The following SRC variants were observed in gnomAD, a reference collection of about 807,000 sequenced individuals.
The protein encoded by SRC is proto-oncogene tyrosine-protein kinase Src.
In SRC, 13 loss-of-function variants were observed where a neutral mutation model predicts 62.9. That is an observed-to-expected ratio of 0.21 (90% CI 0.13 to 0.33). SRC has a LOEUF of 0.33. Ranked by LOEUF, SRC falls within the 10% of genes least tolerant of loss-of-function variation. The pLI is 1.00. For missense variants in SRC, 457 were observed against 737.3 expected, an observed-to-expected ratio of 0.62 and a Z score of 4.40; for synonymous variants, 302 against 317.5, an observed-to-expected ratio of 0.95 and a Z score of 0.52.
chr20:37,396,433 C>A lies in SRC; in HGVS notation c.703+122C>A. On this transcript the variant is annotated intron_variant, in intron 8 of 13. Coordinates refer to ENST00000373578, the MANE Select transcript of SRC (RefSeq NM_198291.3). This position sits in a 1 kb window ranked among gnomAD's most constrained non-coding sequence, Gnocchi z 6.1. ...TATCCTGCTTCTCTCCCCACTTCCC[C>A]CTCCCCCCTCCCTTCCTCTCTCCTC... 1.8e-6 allele frequency: 2 copies of A among 1,117,420 alleles called. No homozygotes were observed. The highest frequency in any genetic ancestry group is 1.3e-6 in the Non-Finnish European group (1 of 794,864). The allele number at this position is 1,117,420 out of a possible 1,614,324, so 69.2% of individuals were successfully genotyped here. A position where few individuals can be genotyped will look rare whatever the true frequency, so the allele number is the denominator to read the frequency against.
Position 37,396,016 on chromosome 20 carries a change from G to A in SRC, c.554-146G>A. On this transcript the variant is annotated intron_variant, in intron 7 of 13. Transcript: ENST00000373578. This position sits in a 1 kb window ranked among gnomAD's most constrained non-coding sequence, Gnocchi z 6.1. ...GCCCTGCCTCTGTGGCTGCCCCGGGGCTGGCTGTTGAGAGACAGGGTGGGC... is the reference window on the plus strand; with the variant it reads ...GCCCTGCCTCTGTGGCTGCCCCGGGACTGGCTGTTGAGAGACAGGGTGGGC... The A allele has an allele frequency of 2.6e-6, 3 of 1,150,480 alleles. No individual in the cohort carries two copies. The highest frequency in any genetic ancestry group is 1.5e-5 in the South Asian group (1 of 64,970). The allele number at this position is 1,150,480 out of a possible 1,614,324, so 71.3% of individuals were successfully genotyped here.
intron 5 of SRC, among the ~76,000 whole-genome samples, chr20:37,388,417 C>T (rs1288931603): frequency 6.6e-6 from 1 of 152,168 alleles, no homozygotes; most frequent in African/African-American, 2.4e-5. Context: ...AGCCCCTCCT[C>T]ATGTCACAAT....
At chr20:37,382,535 A>T (rs2070381050) in intron 2 of SRC, 84 bp from the exon 3 acceptor site, 1 of 152,228 alleles carries the variant, frequency 6.6e-6, no homozygotes, top group Admixed American at 6.5e-5. Context: ...AACAGTGATC[A>T]GAGAGTGGGC....
intron 2 of SRC, among the ~76,000 whole-genome samples, chr20:37,376,757 C>T (rs1374766226): frequency 2.0e-5 from 3 of 152,222 alleles, no homozygotes; most frequent in African/African-American, 7.2e-5. Flanking sequence ...CCTGCCTCAG[C>T]CTCCCAAAGT....
chr20:37,387,625 G>A (rs2070478843), intron 5 of SRC, among the ~76,000 whole-genome samples: 1 of 152,246 alleles, frequency 6.6e-6, no homozygotes, highest in Non-Finnish European at 1.5e-5. Context: ...CGAAGCTACA[G>A]TTTCCTTATT....
In SRC at chr20:37,359,879, T is replaced by C. The variant is rs536133410; in HGVS notation, c.-246-5325T>C. On this transcript the variant is annotated intron_variant, in intron 1 of 13. Transcript: ENST00000373578. ...GGTTCGCTCAGTCTGGGCGTAGTTA[T>C]TGGGAGGGTCAAAGGGCCAAGCATT... 1.3e-4 allele frequency among the ~76,000 whole-genome samples: 20 copies of C among 152,020 alleles called. No homozygotes were observed. The East Asian group carries it at 1.5e-3, about 12-fold the overall frequency.
chr20:37,346,485 G>T (rs111597289), intron 1 of SRC, among the ~76,000 whole-genome samples: 4 of 151,942 alleles, frequency 2.6e-5, no homozygotes, highest in South Asian at 2.1e-4. Flanking sequence ...GGGCTGGGCG[G>T]GGGGGGCGCA....
intron 1 of SRC, among the ~76,000 whole-genome samples, chr20:37,349,031 C>G (rs1329319166): frequency 1.3e-5 from 2 of 152,126 alleles, no homozygotes; most frequent in Non-Finnish European, 2.9e-5. Flanking sequence ...AGGGCTGGAC[C>G]ATGCTGGGGC....
chr20:37,373,407 G>T (rs983924909), intron 2 of SRC, among the ~76,000 whole-genome samples: 1 of 142,896 alleles, frequency 7.0e-6, no homozygotes, highest in Non-Finnish European at 1.5e-5. Context: ...GTATATATAC[G>T]CATATATACG....
intron 1 of SRC, among the ~76,000 whole-genome samples, chr20:37,360,364 C>T (rs1229293184): frequency 6.6e-6 from 1 of 151,710 alleles, no homozygotes; most frequent in East Asian, 1.9e-4. Flanking sequence ...GCTGGGACTA[C>T]AGGCGCATAC....
At chr20:37,360,514 C>T (rs1477906210) in intron 1 of SRC, among the ~76,000 whole-genome samples, 1 of 152,092 alleles carries the variant, frequency 6.6e-6, no homozygotes, top group Non-Finnish European at 1.5e-5. Context: ...GGATTACAGG[C>T]GTGAGCCACC....
intron 10 of SRC, among the ~76,000 whole-genome samples, chr20:37,400,971 A>T (rs2070728064): frequency 6.6e-6 from 1 of 151,944 alleles, no homozygotes; most frequent in Non-Finnish European, 1.5e-5. Context: ...TACATCTGGG[A>T]TGCATTGTTT....
chr20:37,371,515 C>G (rs1458328437), intron 2 of SRC, among the ~76,000 whole-genome samples: 2 of 151,850 alleles, frequency 1.3e-5, no homozygotes, highest in Non-Finnish European at 2.9e-5. Context: ...TTGATCTTTT[C>G]AAAGAATCAC....
intron 2 of SRC, among the ~76,000 whole-genome samples, chr20:37,368,752 C>T (rs967209438): frequency 3.3e-5 from 5 of 151,256 alleles, no homozygotes; most frequent in Non-Finnish European, 7.4e-5. Flanking sequence ...GGGGTTTCAC[C>T]GTTTTAGCCG....
intron 5 of SRC, 133 bp from the exon 6 acceptor site, chr20:37,393,762 G>A (rs1330547736): frequency 7.7e-6 from 5 of 647,640 alleles, no homozygotes; most frequent in Non-Finnish European, 1.4e-5. Context: ...GGGGACTCAC[G>A]CTGGCCCCAC....
chr20:37,392,775 C>T (rs1164077389), intron 5 of SRC, among the ~76,000 whole-genome samples: 1 of 152,146 alleles, frequency 6.6e-6, no homozygotes, highest in Non-Finnish European at 1.5e-5. Flanking sequence ...TCCCTGTGGA[C>T]CCCGTCCCTG....
intron 1 of SRC, among the ~76,000 whole-genome samples, chr20:37,347,836 G>A (rs907005092): frequency 6.6e-6 from 1 of 152,210 alleles, no homozygotes; most frequent in Non-Finnish European, 1.5e-5. Context: ...AAGCTGGAAT[G>A]AAAGCCCAGA....
chr20:37,377,472 G>C (rs1378199082), intron 2 of SRC, among the ~76,000 whole-genome samples: 1 of 152,232 alleles, frequency 6.6e-6, no homozygotes, highest in African/African-American at 2.4e-5. Flanking sequence ...AGTCAGGAAG[G>C]AAGGGGCTGG....
rs2070684815 is a variant in SRC at position 37,398,046 on chromosome 20, G to A, written c.859+192G>A. ...ACCCAAGCACTGTGCCCCGGACCGT[G>A]CAAACCATAGTGCCTGATTCCAAGA... On this transcript the variant is annotated intron_variant, in intron 9 of 13. Coordinates refer to ENST00000373578, the MANE Select transcript of SRC (RefSeq NM_198291.3). This position sits in a 1 kb window ranked among gnomAD's most constrained non-coding sequence, Gnocchi z 5.2. 6.6e-6 allele frequency among the ~76,000 whole-genome samples: 1 copy of A among 152,218 alleles called. No individual in the cohort carries two copies. The highest frequency in any genetic ancestry group is 2.1e-4 in the South Asian group (1 of 4,832).
Sources: allele counts gnomAD v4.1 joint callset (sites outside exome capture counted in the v4.1 genomes callset), GRCh38; gene constraint gnomAD v4.1.1; non-coding constraint Gnocchi (gnomAD v3.1); transcripts MANE v1.5; gene names NCBI Gene and HGNC (gene_info 2026-07-23, HGNC 2026-07-21).